The following TRDN variants were observed in gnomAD, a reference collection of about 807,000 sequenced individuals.
TRDN encodes triadin in skeletal muscle.
In TRDN, 161 loss-of-function variants were observed where a neutral mutation model predicts 149.7. The observed-to-expected ratio is 1.08, with a 90% CI of 0.95 to 1.23. The LOEUF is 1.23. Ranked by LOEUF, TRDN falls within the 50% of genes most tolerant of loss-of-function variation. The pLI, the probability that TRDN is intolerant of heterozygous loss-of-function variation, is 0.00. For missense variants in TRDN, 896 were observed against 823.5 expected (o/e 1.09, Z -1.08); for synonymous variants, 294 against 250.5 (o/e 1.17, Z -1.64).
intron 24 of TRDN, among the ~76,000 whole-genome samples, chr6:123,305,518 A>G (rs1346113018): frequency 6.6e-6 from 1 of 152,164 alleles, no homozygotes; most frequent in East Asian, 1.9e-4. Context: ...AATGCTAGGC[A>G]AGTTCTAAAG....
At chr6:123,622,444 G>A (rs1043246542) in intron 1 of TRDN, among the ~76,000 whole-genome samples, 3 of 152,028 alleles carry the variant, frequency 2.0e-5, no homozygotes, top group Non-Finnish European at 2.9e-5. Flanking sequence ...TAAAGTTTTG[G>A]GAGGAGTCAA....
chr6:123,618,333 A>G (rs967941509), intron 1 of TRDN, among the ~76,000 whole-genome samples: 3 of 152,154 alleles, frequency 2.0e-5, no homozygotes, highest in Non-Finnish European at 4.4e-5. Flanking sequence ...ACAGGTTGCC[A>G]CATAACTTGG....
intron 9 of TRDN, among the ~76,000 whole-genome samples, chr6:123,486,088 T>G (rs1350244270): frequency 6.6e-6 from 1 of 152,068 alleles, no homozygotes; most frequent in African/African-American, 2.4e-5. Context: ...ATTATTAAAT[T>G]TAAAGGGCAT....
chr6:123,616,735 C>A (rs1785107601), intron 1 of TRDN, among the ~76,000 whole-genome samples: 1 of 152,140 alleles, frequency 6.6e-6, no homozygotes, highest in Non-Finnish European at 1.5e-5. Context: ...TGCTTTCCTG[C>A]AAACCTAACT....
In TRDN at chr6:123,623,336, A is replaced by G. The variant is rs1785491916; in HGVS notation, c.22+13418T>C. ...AAGATAACTAAGCTTAGAGTTTCTC[A>G]TAGTTGAGGATTTCAATCCCATCTC... is the stretch of plus-strand genomic sequence containing the variant. On this transcript the variant is annotated intron_variant, in intron 1 of 40. Transcript: ENST00000334268. 1.3e-5 allele frequency among the ~76,000 whole-genome samples: 2 copies of G among 152,124 alleles called. 1 individual carries two copies. Among genetic ancestry groups the G allele is most frequent in the South Asian group, 4.1e-4 (2 of 4,834 alleles).
At chr6:123,223,156 A>G (rs971581891) in intron 39 of TRDN, among the ~76,000 whole-genome samples, 1 of 151,746 alleles carries the variant, frequency 6.6e-6, no homozygotes, top group African/African-American at 2.4e-5. Context: ...ATATAGCTGG[A>G]GGTCATTATC....
chr6:123,613,870 C>T (rs1045394751), intron 1 of TRDN, among the ~76,000 whole-genome samples: 3 of 152,080 alleles, frequency 2.0e-5, no homozygotes. Context: ...TAAAAAGGCT[C>T]ATATACATTC....
At chr6:123,550,307 A>G (rs934714853) in intron 2 of TRDN, among the ~76,000 whole-genome samples, 2 of 152,006 alleles carry the variant, frequency 1.3e-5, no homozygotes, top group Non-Finnish European at 2.9e-5. Flanking sequence ...TGAGCAAGAA[A>G]GAGAGAGGGA....
intron 2 of TRDN, among the ~76,000 whole-genome samples, chr6:123,550,785 C>T (rs1368912226): frequency 6.6e-6 from 1 of 151,950 alleles, no homozygotes; most frequent in Non-Finnish European, 1.5e-5. Flanking sequence ...GAATAAAATG[C>T]TGCTTTCTGG....
chr6:123,380,919 T>C (rs528426184), intron 16 of TRDN, among the ~76,000 whole-genome samples: 1 of 152,130 alleles, frequency 6.6e-6, no homozygotes, highest in African/African-American at 2.4e-5. Context: ...GAAATTATGT[T>C]ATGGGAAAAA....
intron 31 of TRDN, among the ~76,000 whole-genome samples, chr6:123,268,974 C>T (rs1777113424): frequency 6.6e-6 from 1 of 151,880 alleles, no homozygotes; most frequent in Non-Finnish European, 1.5e-5. Flanking sequence ...GCCTAAACCA[C>T]TTATATGTAT....
intron 1 of TRDN, among the ~76,000 whole-genome samples, chr6:123,587,353 A>G (rs893937211): frequency 2.0e-5 from 3 of 152,262 alleles, no homozygotes; most frequent in Non-Finnish European, 4.4e-5. Flanking sequence ...CCAGAAAATG[A>G]AAGGAATTGA....
intron 27 of TRDN, 80 bp downstream of exon 27, chr6:123,274,561 G>T: frequency 7.8e-7 from 1 of 1,280,486 alleles, no homozygotes; most frequent in South Asian, 1.4e-5. Flanking sequence ...TCTCCCTAGT[G>T]AGATGTAAGC....
chr6:123,274,503 A>G, intron 27 of TRDN, 138 bp downstream of exon 27: 1 of 662,216 alleles, frequency 1.5e-6, no homozygotes, highest in Non-Finnish European at 2.5e-6. Flanking sequence ...AATCATGTTG[A>G]GCAATGGAGT....
intron 10 of TRDN, among the ~76,000 whole-genome samples, chr6:123,462,071 A>G (rs1198511157): frequency 6.6e-6 from 1 of 152,234 alleles, no homozygotes; most frequent in Non-Finnish European, 1.5e-5. Flanking sequence ...AATGACCACA[A>G]TGATGATGTG....
intron 13 of TRDN, among the ~76,000 whole-genome samples, chr6:123,389,867 C>T (rs56152307): frequency 0.12 from 18,462 of 151,692 alleles, 1,527 homozygotes; most frequent in South Asian, 0.24. Flanking sequence ...AAGATAACAC[C>T]GAAAATGAAT....
rs74516138 is a variant in TRDN at position 123,248,847 on chromosome 6, A to T, written c.1975+3565T>A. On this transcript the variant is annotated intron_variant, in intron 38 of 40. Transcript: ENST00000334268. ...TATTCCAAGAAATTAATGAGGTGAG[A>T]ACCCTCCATAACTCAATCTACAAGG... Among the ~76,000 whole-genome samples the T allele has an allele frequency of 3.1e-3, 468 of 152,256 alleles. 18 individuals carry two copies. The East Asian group carries it at 0.076, about 25-fold the overall frequency.
chr6:123,238,686 C>G (rs182711116), intron 38 of TRDN, among the ~76,000 whole-genome samples: 1 of 151,920 alleles, frequency 6.6e-6, no homozygotes, highest in African/African-American at 2.4e-5. Flanking sequence ...AAATTTAGCT[C>G]AATATTGTTT....
chr6:123,443,097 G>A (rs1222934491), intron 10 of TRDN, among the ~76,000 whole-genome samples: 2 of 151,938 alleles, frequency 1.3e-5, no homozygotes, highest in Non-Finnish European at 2.9e-5. Context: ...CTGGGAATGG[G>A]TAACCTAAAA....
Sources: gnomAD v4.1 joint callset for allele counts (sites outside exome capture counted in the v4.1 genomes callset) on GRCh38, gnomAD v4.1.1 for gene constraint, MANE v1.5 for transcripts, NCBI Gene and HGNC (gene_info 2026-07-23, HGNC 2026-07-21) for gene names.